PCLO: variants seen among roughly 807,000 people sequenced by gnomAD.
The protein encoded by PCLO is piccolo presynaptic cytomatrix protein.
Under a neutral mutation model 427.5 loss-of-function variants are expected in PCLO, and 82 were observed. The ratio of observed to expected loss-of-function variants is 0.19; its 90% CI spans 0.16 to 0.23. The LOEUF (loss-of-function observed/expected upper bound fraction) is 0.23, where lower values mean the gene tolerates loss of function less well. Among genes scored for constraint, PCLO ranks in the 10% least tolerant of loss-of-function variants. PCLO has a pLI of 1.00. For synonymous variants in PCLO, 2,357 were observed against 2,155.4 expected (o/e 1.09, Z -2.59); for missense variants, 6,239 against 6,115.9 (o/e 1.02, Z -0.67).
chr7:82,794,450 A>ATTTTTTTTGTTTTTTTTTTTTTTT (rs141105612), intron 22 of PCLO, among the ~76,000 whole-genome samples: 1 of 62,028 alleles, frequency 1.6e-5, no homozygotes, highest in Non-Finnish European at 3.9e-5. Context: ...TAGTTCATAA[A>ATTTTTTTTGTTTTTTTTTTTTTTT]TTTTTTTTCT....
chr7:83,116,547 CATG>C (rs2116543444), intron 3 of PCLO, among the ~76,000 whole-genome samples: 1 of 152,252 alleles, frequency 6.6e-6, no homozygotes, highest in South Asian at 2.1e-4. Flanking sequence ...CCATGCACAA[CATG>C]ATGTTTTGAA....
Position 82,951,994 on chromosome 7 carries a change from T to C in PCLO, c.8959A>G (p.Ile2987Val), listed in dbSNP as rs755949380. The change falls in exon 5 of 25, where the codon ATT becomes GTT. Residue 2987 changes from isoleucine to valine, a missense_variant. Ile to Val is a conservative substitution (Grantham distance 29, BLOSUM62 3). This residue lies in a region of PCLO where 4,677 missense variants were observed against 4,468.4 expected (regional missense o/e 1.05). Transcript: ENST00000333891. ...GACATGGAAGGCTTCATTCCCCCAA[T>C]CCCTCTATAACCATATGGCCCTGAT... ...DRSGPYGYRGIGGMKPSMSDT... is the reference protein window; with the variant it reads ...DRSGPYGYRGVGGMKPSMSDT... 1 of 1,613,856 alleles carries C rather than the reference T, an allele frequency of 6.2e-7. No individual in the cohort carries two copies. The highest frequency in any genetic ancestry group is 8.5e-7 in the Non-Finnish European group (1 of 1,179,832).
intron 3 of PCLO, among the ~76,000 whole-genome samples, chr7:83,043,350 A>G (rs975250549): frequency 1.3e-5 from 2 of 152,196 alleles, no homozygotes; most frequent in African/African-American, 4.8e-5. Flanking sequence ...CCTTGAATAC[A>G]GAGAAGGATA....
chr7:82,813,791 G>A (rs142074127), intron 20 of PCLO, among the ~76,000 whole-genome samples: 227 of 151,782 alleles, frequency 1.5e-3, no homozygotes, highest in African/African-American at 5.2e-3. Context: ...TGATAAGCAC[G>A]TTTGCAAATA....
At chr7:83,116,465 T>G (rs1791134687) in intron 3 of PCLO, among the ~76,000 whole-genome samples, 2 of 152,180 alleles carry the variant, frequency 1.3e-5, no homozygotes, top group Admixed American at 1.3e-4. Context: ...TAAGTTTCAG[T>G]AAAGGAAACA....
chr7:83,106,149 G>A (rs1419606745), intron 3 of PCLO, among the ~76,000 whole-genome samples: 1 of 152,180 alleles, frequency 6.6e-6, no homozygotes, highest in Non-Finnish European at 1.5e-5. Flanking sequence ...CCATTACCAA[G>A]GGCAAGTGTG....
chr7:83,093,498 T>A (rs1009589524), intron 3 of PCLO, among the ~76,000 whole-genome samples: 15 of 84,072 alleles, frequency 1.8e-4, no homozygotes, highest in African/African-American at 6.9e-4. Flanking sequence ...ATATATTTTT[T>A]TTTTTTTTTT....
In PCLO at chr7:82,954,293, A is replaced by C. The variant is rs10487648; in HGVS notation, c.6660T>G (p.Phe2220Leu). 221,047 of 1,613,276 alleles carry C rather than the reference A, an allele frequency of 0.14. 16,554 individuals carry two copies. Among genetic ancestry groups the C allele is most frequent in the Non-Finnish European group, 0.15 (178,922 of 1,179,390 alleles). ...ATGAAGAAATTTCCTCAGAATCTTC[A>C]AATTTAGTTATCATGTCCACTGGCT... ...YTEPVDMITK[F>L]EDSEEISSST... Residue 2220 changes from phenylalanine (F) to leucine (L), a missense_variant, in exon 5 of 25, where the codon TTT becomes TTG. Around this residue, in one of 5 missense-constraint regions of PCLO, gnomAD observed 4,677 missense variants for 4,468.4 expected, o/e 1.05. Coordinates refer to ENST00000333891, the MANE Select transcript of PCLO (RefSeq NM_033026.6).
intron 3 of PCLO, among the ~76,000 whole-genome samples, chr7:83,115,598 T>C (rs6945907): frequency 6.6e-6 from 1 of 152,014 alleles, no homozygotes; most frequent in African/African-American, 2.4e-5. Flanking sequence ...TGCCTTTTCA[T>C]ACCTAACTCC....
At chr7:83,012,752 G>C (rs906257170) in intron 3 of PCLO, among the ~76,000 whole-genome samples, 2 of 151,618 alleles carry the variant, frequency 1.3e-5, no homozygotes, top group African/African-American at 2.4e-5. Context: ...GTACAGCACA[G>C]CTCAAGAAAA....
intron 3 of PCLO, among the ~76,000 whole-genome samples, chr7:83,049,975 A>C (rs1789193030): frequency 6.6e-6 from 1 of 151,092 alleles, no homozygotes; most frequent in Non-Finnish European, 1.5e-5. Flanking sequence ...TCTTTCCTCA[A>C]ATTTGTTATT....
intron 16 of PCLO, among the ~76,000 whole-genome samples, chr7:82,832,896 C>T (rs1792131516): frequency 1.3e-5 from 2 of 150,056 alleles, no homozygotes; most frequent in South Asian, 2.1e-4. Context: ...AGAAAAAATA[C>T]AACTTGCATC....
intron 20 of PCLO, among the ~76,000 whole-genome samples, chr7:82,818,124 T>C (rs1409931173): frequency 6.6e-6 from 1 of 151,588 alleles, no homozygotes; most frequent in African/African-American, 2.4e-5. Flanking sequence ...TTTCCAGAGG[T>C]TTTTAACTAC....
At chr7:82,824,615 T>A (rs988391313) in intron 18 of PCLO, among the ~76,000 whole-genome samples, 199 bp from the exon 19 acceptor site, 3 of 149,476 alleles carry the variant, frequency 2.0e-5, no homozygotes, top group Non-Finnish European at 3.0e-5. Context: ...AGATGCTTAA[T>A]AAATGTTTGC....
At chr7:83,147,430 C>G (rs1177886553) in intron 2 of PCLO, among the ~76,000 whole-genome samples, 2 of 151,990 alleles carry the variant, frequency 1.3e-5, no homozygotes, top group Non-Finnish European at 2.9e-5. Context: ...ACTTTGTTTT[C>G]CAAAAACCTT....
At chr7:83,160,514 A>T (rs1249312785) in intron 1 of PCLO, among the ~76,000 whole-genome samples, 1 of 152,062 alleles carries the variant, frequency 6.6e-6, no homozygotes, top group Admixed American at 6.6e-5. Context: ...CTTTCAGTAA[A>T]ATGTAAGAGT....
At chr7:82,879,584 G>A (rs1173956744) in intron 9 of PCLO, 122 bp from the exon 10 acceptor site, 5 of 661,346 alleles carry the variant, frequency 7.6e-6, no homozygotes, top group East Asian at 2.8e-5. Flanking sequence ...ATGAATATTG[G>A]AAATGAACAC....
At chr7:83,070,211 G>A (rs974247969) in intron 3 of PCLO, among the ~76,000 whole-genome samples, 1 of 152,080 alleles carries the variant, frequency 6.6e-6, no homozygotes, top group African/African-American at 2.4e-5. Context: ...CAACAGTAAT[G>A]TCAGTGAGTC....
chr7:82,987,109 T>C (rs993898957), intron 3 of PCLO, among the ~76,000 whole-genome samples: 1 of 152,024 alleles, frequency 6.6e-6, no homozygotes, highest in Non-Finnish European at 1.5e-5. Context: ...GCATGTAATT[T>C]GTGTACCTGT....
Sources: allele counts gnomAD v4.1 joint callset (sites outside exome capture counted in the v4.1 genomes callset), GRCh38; gene constraint gnomAD v4.1.1; regional missense constraint gnomAD v4.1.1; transcripts MANE v1.5; gene names NCBI Gene and HGNC (gene_info 2026-07-23, HGNC 2026-07-21).